CDH11: variants seen among roughly 807,000 people sequenced by gnomAD.
The protein encoded by CDH11 is cadherin-11.
Under a neutral mutation model 67.8 loss-of-function variants are expected in CDH11, and 11 were observed. The observed-to-expected ratio is 0.16, with a 90% confidence interval of 0.10 to 0.27. CDH11 has a LOEUF of 0.27. Ranked by LOEUF, CDH11 falls within the 10% of genes least tolerant of loss-of-function variation. The probability of loss-of-function intolerance (pLI) is 1.00; values close to 1 mark genes in which losing one functional copy is unlikely to be tolerated. For synonymous variants in CDH11, 419 were observed against 400.0 expected (o/e 1.05, Z -0.57); for missense variants, 847 against 1,031.2 (o/e 0.82, Z 2.45).
chr16:64,970,666 C>T (rs2071980778), intron 11 of CDH11, among the ~76,000 whole-genome samples: 1 of 152,130 alleles, frequency 6.6e-6, no homozygotes, highest in African/African-American at 2.4e-5. Flanking sequence ...AGTTTAAGAT[C>T]CTCTAAGCCT....
intron 11 of CDH11, among the ~76,000 whole-genome samples, chr16:64,961,512 TG>T (rs1260020505): frequency 1.2e-4 from 19 of 152,186 alleles, no homozygotes; most frequent in Non-Finnish European, 2.4e-4. Flanking sequence ...AGTATGTCAG[TG>T]CCTTTATCTC....
At chr16:65,107,210 C>T (rs1422278668) in intron 1 of CDH11, among the ~76,000 whole-genome samples, 4 of 152,202 alleles carry the variant, frequency 2.6e-5, no homozygotes, top group African/African-American at 9.7e-5. Flanking sequence ...AAGCCCTGCT[C>T]ATCCACTTAT....
intron 2 of CDH11, among the ~76,000 whole-genome samples, chr16:65,046,657 T>C (rs1257862396): frequency 2.0e-5 from 3 of 152,248 alleles, no homozygotes; most frequent in African/African-American, 7.2e-5. Context: ...AAAATGATTT[T>C]TTAAAATTCA....
At chr16:65,122,078 G>C (rs2075343251), upstream of CDH11, 1 of 559,514 alleles carries the variant, frequency 1.8e-6, no homozygotes, top group East Asian at 3.5e-5. Flanking sequence ...CGCCGAGCGC[G>C]CTAGTGGCAG....
At chr16:64,991,554 T>TAC in intron 6 of CDH11, 2 of 498,100 alleles carry the variant, frequency 4.0e-6, no homozygotes, top group Non-Finnish European at 7.3e-6. Context: ...TAGAACTTTT[T>TAC]ACATCTTTTC....
intron 1 of CDH11, among the ~76,000 whole-genome samples, chr16:65,105,056 C>T (rs964063858): frequency 1.3e-5 from 2 of 152,168 alleles, no homozygotes; most frequent in Non-Finnish European, 2.9e-5. Flanking sequence ...ATCTGAGGTC[C>T]TCCCAGTTCT....
chr16:64,951,119 G>GA, intron 11 of CDH11, 101 bp from the exon 12 acceptor site: 1 of 1,179,616 alleles, frequency 8.5e-7, no homozygotes, highest in Non-Finnish European at 1.2e-6. Context: ...TATCATAAAG[G>GA]TTAACCGCCA....
At position 65,056,317 on chromosome 16, in the gene CDH11, G is replaced by C. The variant is rs147596852; in HGVS notation, c.-297-2389C>G. ...CTCTTTCAGCCTTCCAAGCTGAGGT[G>C]CCAGACAGGTGACTAAAGATGCCAT... On this transcript the variant is annotated intron_variant, in intron 1 of 12. Transcript: ENST00000268603. Among the ~76,000 whole-genome samples, 62 of 152,278 alleles carry C rather than the reference G, an allele frequency of 4.1e-4. No homozygotes were observed. The East Asian group carries it at 0.012, about 29-fold the overall frequency.
chr16:65,105,023 C>A (rs1206021321), intron 1 of CDH11, among the ~76,000 whole-genome samples: 1 of 152,192 alleles, frequency 6.6e-6, no homozygotes, highest in African/African-American at 2.4e-5. Context: ...TCAGTTCCTG[C>A]ATGGCCAGTA....
chr16:65,086,037 T>C (rs985508051), intron 1 of CDH11, among the ~76,000 whole-genome samples: 1 of 152,244 alleles, frequency 6.6e-6, no homozygotes, highest in Non-Finnish European at 1.5e-5. Context: ...GCTATTTTGA[T>C]GCTGCTTTTA....
chr16:64,950,089 T>A (rs1402089601), intron 12 of CDH11, among the ~76,000 whole-genome samples: 1 of 152,274 alleles, frequency 6.6e-6, no homozygotes, highest in Non-Finnish European at 1.5e-5. Flanking sequence ...GATAAAATGA[T>A]CTTCCTGAGG....
Position 64,982,042 on chromosome 16 carries a change from CT to C in CDH11, c.1253+5del. On this transcript the variant is annotated splice_donor_5th_base_variant and intron_variant, in intron 8 of 12. Coordinates refer to ENST00000268603, the MANE Select transcript of CDH11 (RefSeq NM_001797.4). ...ATCCAAGCTCTTAAAATAAATCCGT[CT>C]GTACCTTATCGGGCTGTTGGCAGCA... is the stretch of plus-strand genomic sequence containing the variant. 6.2e-7 allele frequency: 1 copy of C among 1,607,482 alleles called. No individual in the cohort carries two copies. Among genetic ancestry groups the C allele is most frequent in the Non-Finnish European group, 8.5e-7 (1 of 1,176,556 alleles).
intron 1 of CDH11, among the ~76,000 whole-genome samples, chr16:65,111,470 G>GCGGCTTAA (rs1472600761): frequency 6.6e-6 from 1 of 152,152 alleles, no homozygotes; most frequent in African/African-American, 2.4e-5. Context: ...GTGGGGAAAT[G>GCGGCTTAA]CGGCTTAACG....
chr16:64,947,991 C>A lies in CDH11; in HGVS notation c.2003G>T (p.Gly668Val). Residue 668 changes from glycine (G) to valine (V), a missense_variant, in exon 13 of 13, where the codon GGT (glycine) becomes GTT (valine). Gly to Val is a moderately radical substitution (Grantham distance 109). Coordinates refer to ENST00000268603, the MANE Select transcript of CDH11 (RefSeq NM_001797.4). ...ENIITYDDEG[G>V]GEEDTEAFDI... is the part of the protein sequence containing the mutation. Reference sequence around the variant, plus strand: ...AAAGGCTTCTGTGTCTTCTTCCCCACCCCCTTCATCATCATAAGTAATGAT... The same window carrying A: ...AAAGGCTTCTGTGTCTTCTTCCCCAACCCCTTCATCATCATAAGTAATGAT... The A allele has an allele frequency of 6.2e-7, 1 of 1,614,132 alleles. No homozygotes were observed. Among genetic ancestry groups the A allele is most frequent in the Non-Finnish European group, 8.5e-7 (1 of 1,180,014 alleles).
At chr16:65,057,064 A>G (rs1285130377) in intron 1 of CDH11, among the ~76,000 whole-genome samples, 1 of 152,214 alleles carries the variant, frequency 6.6e-6, no homozygotes, top group African/African-American at 2.4e-5. Context: ...AAATGAACAT[A>G]CAAAATCCAA....
At position 65,101,262 on chromosome 16, in the gene CDH11, C is replaced by T. The variant is rs536420362; in HGVS notation, c.-298+20618G>A. Among the ~76,000 whole-genome samples the T allele has an allele frequency of 5.3e-5, 8 of 152,252 alleles. No individual in the cohort carries two copies. In the South Asian group the frequency reaches 1.7e-3, roughly 32 times the overall value. On this transcript the variant is annotated intron_variant, in intron 1 of 12. Transcript: ENST00000268603. ...CAAACCTTCCTTGCCAAGAAGACAC[C>T]AACCAATCATGAGGAGAGACAGGCA...
intron 2 of CDH11, among the ~76,000 whole-genome samples, chr16:65,049,655 T>A (rs117733880): frequency 0.034 from 5,139 of 152,222 alleles, 105 homozygotes; most frequent in Non-Finnish European, 0.051. Flanking sequence ...TAGTTATGAT[T>A]TTGCACAGGG....
At chr16:64,965,175 A>G (rs1008510939) in intron 11 of CDH11, among the ~76,000 whole-genome samples, 15 of 129,454 alleles carry the variant, frequency 1.2e-4, no homozygotes, top group African/African-American at 4.0e-4. Flanking sequence ...CCTGGCCAAC[A>G]TGGTGAAACC....
chr16:64,946,828 C>T lies in CDH11; in HGVS notation c.*775G>A. Reference sequence around the variant, plus strand: ...TCAAAGATTGCTTCTTATATTGAAGCTCATATTAAAGCAACAGTACAATGT... The same window carrying T: ...TCAAAGATTGCTTCTTATATTGAAGTTCATATTAAAGCAACAGTACAATGT... On this transcript the variant is annotated 3_prime_UTR_variant, in exon 13 of 13. Coordinates refer to ENST00000268603, the MANE Select transcript of CDH11 (RefSeq NM_001797.4). 5 of 869,398 alleles carry T rather than the reference C, an allele frequency of 5.8e-6. No homozygotes were observed. Among genetic ancestry groups the T allele is most frequent in the Non-Finnish European group, 7.0e-6 (5 of 713,300 alleles). 53.9% of individuals were successfully genotyped at this position (869,398 alleles called of 1,614,324 possible).
Sources: gnomAD v4.1 joint callset for allele counts (sites outside exome capture counted in the v4.1 genomes callset) on GRCh38, gnomAD v4.1.1 for gene constraint, MANE v1.5 for transcripts, NCBI Gene and HGNC (gene_info 2026-07-23, HGNC 2026-07-21) for gene names.